The following SPAG16 variants were observed in gnomAD, a reference collection of about 807,000 sequenced individuals.
The protein encoded by SPAG16 is sperm associated antigen 16.
A neutral mutation model predicts 80.4 loss-of-function variants in SPAG16; 86 were observed. The ratio of observed to expected loss-of-function variants is 1.07; its 90% CI spans 0.90 to 1.28. The LOEUF is 1.28. Ranked by LOEUF, SPAG16 falls within the 50% of genes most tolerant of loss-of-function variation. The probability of loss-of-function intolerance (pLI) is 0.00; values close to 1 mark genes in which losing one functional copy is unlikely to be tolerated. For missense variants in SPAG16, 870 were observed against 765.3 expected, an observed-to-expected ratio of 1.14 and a Z score of -1.61; for synonymous variants, 294 against 265.9, an observed-to-expected ratio of 1.11 and a Z score of -1.03.
intron 15 of SPAG16, among the ~76,000 whole-genome samples, chr2:214,346,558 G>A (rs1380942447): frequency 2.6e-5 from 4 of 152,110 alleles, no homozygotes; most frequent in Non-Finnish European, 5.9e-5. Flanking sequence ...TCTTGAATCT[G>A]TAGAAGCTTG....
intron 15 of SPAG16, among the ~76,000 whole-genome samples, chr2:214,400,421 C>A (rs1701641771): frequency 6.6e-6 from 1 of 151,734 alleles, no homozygotes; most frequent in Non-Finnish European, 1.5e-5. Flanking sequence ...AAAAATATAA[C>A]AACTATTTAT....
intron 13 of SPAG16, among the ~76,000 whole-genome samples, chr2:214,057,602 A>T (rs1290162680): frequency 6.6e-6 from 1 of 152,124 alleles, no homozygotes; most frequent in Admixed American, 6.6e-5. Context: ...CTTCAACTTA[A>T]AGTCACCAAC....
intron 15 of SPAG16, among the ~76,000 whole-genome samples, chr2:214,307,340 G>T (rs1694989011): frequency 1.3e-5 from 2 of 151,946 alleles, no homozygotes; most frequent in East Asian, 1.9e-4. Flanking sequence ...CAAAAAAACA[G>T]CTCCTGGTTC....
intron 13 of SPAG16, among the ~76,000 whole-genome samples, chr2:214,070,633 T>G (rs1385631581): frequency 1.3e-5 from 2 of 152,088 alleles, no homozygotes; most frequent in Admixed American, 1.3e-4. Flanking sequence ...TTTTGTCTTT[T>G]TAGCATCAAA....
At chr2:213,603,091 A>G (rs1410239527) in intron 10 of SPAG16, among the ~76,000 whole-genome samples, 1 of 152,248 alleles carries the variant, frequency 6.6e-6, no homozygotes, top group Non-Finnish European at 1.5e-5. Flanking sequence ...GTCAACACTC[A>G]TGGGCTCTGC....
At chr2:213,927,799 C>T (rs1441483161) in intron 11 of SPAG16, among the ~76,000 whole-genome samples, 2 of 151,968 alleles carry the variant, frequency 1.3e-5, no homozygotes, top group Non-Finnish European at 2.9e-5. Flanking sequence ...AAACATACCA[C>T]AATAATTTTT....
At position 213,574,228 on chromosome 2, in the gene SPAG16, C is replaced by T. The variant is rs369128081; in HGVS notation, c.1070+84138C>T. Reference sequence around the variant, plus strand: ...TCTTGTTTATCCAGTTTTTCATCAGCCCTGCTGGGACTATATACAATCAAA... The same window carrying T: ...TCTTGTTTATCCAGTTTTTCATCAGTCCTGCTGGGACTATATACAATCAAA... On this transcript the variant is annotated intron_variant, in intron 10 of 15. Transcript: ENST00000331683. Among the ~76,000 whole-genome samples, 6 of 152,236 alleles carry T rather than the reference C, an allele frequency of 3.9e-5. No individual in the cohort carries two copies. The East Asian group carries it at 1.2e-3, about 29-fold the overall frequency.
At chr2:214,109,441 A>T (rs2125408678) in intron 14 of SPAG16, among the ~76,000 whole-genome samples, 1 of 152,296 alleles carries the variant, frequency 6.6e-6, no homozygotes. Context: ...TGAGAATCTT[A>T]ATTCCAAATT....
At chr2:213,342,202 CTG>C (rs1465517218) in intron 6 of SPAG16, among the ~76,000 whole-genome samples, 7 of 151,152 alleles carry the variant, frequency 4.6e-5, no homozygotes, top group African/African-American at 1.7e-4. Context: ...AATTCTATAT[CTG>C]TGTGTTGTAT....
At chr2:213,498,315 C>G (rs760719681) in intron 10 of SPAG16, among the ~76,000 whole-genome samples, 1 of 151,944 alleles carries the variant, frequency 6.6e-6, no homozygotes, top group African/African-American at 2.4e-5. Context: ...CCATAATTGA[C>G]TTACTTATTT....
At chr2:213,906,756 A>T (rs2077450081) in intron 11 of SPAG16, among the ~76,000 whole-genome samples, 1 of 152,208 alleles carries the variant, frequency 6.6e-6, no homozygotes, top group Non-Finnish European at 1.5e-5. Context: ...CCCAGAACAT[A>T]CAATAGGGAA....
Position 213,804,498 on chromosome 2 carries a change from A to C in SPAG16, c.1071-57987A>C, listed in dbSNP as rs1256645570. Among the ~76,000 whole-genome samples, 5 of 152,162 alleles carry C rather than the reference A, an allele frequency of 3.3e-5. No individual in the cohort carries two copies. In the East Asian group the frequency reaches 9.6e-4, roughly 29 times the overall value. ...AGAGATCGAGACCGTCCTGGCTAAC[A>C]CGGTGAAACCCTGTCTCTACTAAAA... is the stretch of plus-strand genomic sequence containing the variant. On this transcript the variant is annotated intron_variant, in intron 10 of 15. Transcript: ENST00000331683.
intron 10 of SPAG16, among the ~76,000 whole-genome samples, chr2:213,595,448 T>C (rs1440180276): frequency 6.6e-6 from 1 of 152,150 alleles, no homozygotes; most frequent in Non-Finnish European, 1.5e-5. Context: ...TAAGAAGAAA[T>C]GCAGCTTTTC....
At chr2:213,796,165 AT>A in intron 10 of SPAG16, among the ~76,000 whole-genome samples, 1 of 152,230 alleles carries the variant, frequency 6.6e-6, no homozygotes, top group Non-Finnish European at 1.5e-5. Flanking sequence ...TTATTTATAT[AT>A]TATAGTAATT....
chr2:214,013,548 A>G (rs535608944), intron 12 of SPAG16, among the ~76,000 whole-genome samples: 4 of 152,136 alleles, frequency 2.6e-5, no homozygotes, highest in Non-Finnish European at 5.9e-5. Flanking sequence ...GGTGATTCTA[A>G]TATATAACCA....
chr2:213,593,475 C>T (rs942322073), intron 10 of SPAG16, among the ~76,000 whole-genome samples: 6 of 151,840 alleles, frequency 4.0e-5, no homozygotes, highest in Non-Finnish European at 8.8e-5. Flanking sequence ...AAAAGTATAC[C>T]TTTTTAGGTG....
chr2:214,101,446 T>G (rs1410845005), intron 13 of SPAG16, among the ~76,000 whole-genome samples: 1 of 152,096 alleles, frequency 6.6e-6, no homozygotes, highest in Non-Finnish European at 1.5e-5. Context: ...AAGGGACTCC[T>G]GGAGGGCATT....
intron 10 of SPAG16, among the ~76,000 whole-genome samples, chr2:213,683,094 G>T (rs955380821): frequency 6.6e-6 from 1 of 152,132 alleles, no homozygotes; most frequent in South Asian, 2.1e-4. Context: ...TATTGCAAAA[G>T]AACTCCCTTA....
chr2:213,993,073 CAG>C (rs1374600045), intron 12 of SPAG16, among the ~76,000 whole-genome samples: 1 of 152,152 alleles, frequency 6.6e-6, no homozygotes, highest in Non-Finnish European at 1.5e-5. Context: ...TTGAAGCAAG[CAG>C]AGTTTGAGCT....
Sources: gnomAD v4.1 joint callset for allele counts (sites outside exome capture counted in the v4.1 genomes callset) on GRCh38, gnomAD v4.1.1 for gene constraint, MANE v1.5 for transcripts, NCBI Gene and HGNC (gene_info 2026-07-23, HGNC 2026-07-21) for gene names.